The following FAM219A variants were observed in gnomAD, a reference collection of about 807,000 sequenced individuals.
FAM219A encodes family with sequence similarity 219 member A, also known as protein FAM219A.
FAM219A carries 7 observed loss-of-function variants against 23.4 expected under a neutral mutation model. The ratio of observed to expected loss-of-function variants is 0.30; its 90% CI spans 0.17 to 0.56. The LOEUF (loss-of-function observed/expected upper bound fraction) is 0.56. FAM219A is among the 20% of genes least tolerant of loss of function. The probability of loss-of-function intolerance (pLI) is 0.92; values close to 1 mark genes in which losing one functional copy is unlikely to be tolerated. For missense variants in FAM219A, 166 were observed against 246.9 expected (o/e 0.67, Z 2.20); for synonymous variants, 93 against 99.0 (o/e 0.94, Z 0.36).
At chr9:34,418,216 G>A (rs1197362077) in intron 1 of FAM219A, among the ~76,000 whole-genome samples, 6 of 151,466 alleles carry the variant, frequency 4.0e-5, no homozygotes, top group East Asian at 1.9e-4. Context: ...AAAAAAAAAA[G>A]GATTTGTTTT....
chr9:34,428,716 C>T (rs750354823), intron 1 of FAM219A, among the ~76,000 whole-genome samples: 1 of 152,232 alleles, frequency 6.6e-6, no homozygotes, highest in Non-Finnish European at 1.5e-5. Context: ...AGACTGAGAG[C>T]GAGCTCTGGC....
At chr9:34,418,245 G>A (rs1276505014) in intron 1 of FAM219A, among the ~76,000 whole-genome samples, 1 of 152,040 alleles carries the variant, frequency 6.6e-6, no homozygotes, top group Non-Finnish European at 1.5e-5. Flanking sequence ...AGAGACAGGG[G>A]GCCAAAGAAT....
intron 2 of FAM219A, among the ~76,000 whole-genome samples, chr9:34,403,457 T>C (rs896340074): frequency 6.6e-6 from 1 of 152,166 alleles, no homozygotes; most frequent in African/African-American, 2.4e-5. Context: ...CTGAAGGTTA[T>C]GGTGTGGGAG....
chr9:34,411,423 C>T (rs1821815408), intron 1 of FAM219A, among the ~76,000 whole-genome samples: 1 of 151,298 alleles, frequency 6.6e-6, no homozygotes, highest in African/African-American at 2.4e-5. Flanking sequence ...GGCACGGTGG[C>T]TCACGCCTGT....
At chr9:34,442,611 G>A (rs1251747677) in intron 1 of FAM219A, among the ~76,000 whole-genome samples, 3 of 151,894 alleles carry the variant, frequency 2.0e-5, no homozygotes, top group Non-Finnish European at 4.4e-5. Flanking sequence ...CTTGAACCTG[G>A]GAGGCAAAGG....
chr9:34,424,990 G>T (rs1234895731), intron 1 of FAM219A, among the ~76,000 whole-genome samples: 1 of 152,012 alleles, frequency 6.6e-6, no homozygotes, highest in African/African-American at 2.4e-5. Flanking sequence ...AGTTTTGGTA[G>T]AGATGGGGTT....
At chr9:34,416,184 A>AAAGG (rs1821995107) in intron 1 of FAM219A, among the ~76,000 whole-genome samples, 1 of 5,200 alleles carries the variant, frequency 1.9e-4, no homozygotes, top group Non-Finnish European at 4.6e-4. Context: ...AAGAAAGAGA[A>AAAGG]AAGAAAGAAA....
chr9:34,415,827 T>C (rs950579971), intron 1 of FAM219A, among the ~76,000 whole-genome samples: 6 of 152,070 alleles, frequency 3.9e-5, no homozygotes, highest in African/African-American at 9.7e-5. Context: ...GAGAGAGCCA[T>C]TGGGGAGGGA....
At chr9:34,430,846 T>TAACAAC (rs56402341) in intron 1 of FAM219A, among the ~76,000 whole-genome samples, 14 of 150,260 alleles carry the variant, frequency 9.3e-5, no homozygotes, top group Non-Finnish European at 1.9e-4. Flanking sequence ...TGTCTCCAAA[T>TAACAAC]AACAACAACA....
At position 34,402,373 on chromosome 9, in the gene FAM219A, G is replaced by A; in HGVS notation, c.344+14C>T. The A allele has an allele frequency of 6.2e-7, 1 of 1,614,156 alleles. No individual in the cohort carries two copies. Among genetic ancestry groups the A allele is most frequent in the Middle Eastern group, 1.7e-4 (1 of 6,060 alleles). ...CTTTGGGCTGCCCAGCTACCCCCAA[G>A]CCCCCATACACACCTGTCCGTGTCA... On this transcript the variant is annotated intron_variant, in intron 4 of 5. Coordinates refer to ENST00000651358, the MANE Select transcript of FAM219A (RefSeq NM_001184940.2).
At chr9:34,421,045 A>AGAGAG (rs68047702) in intron 1 of FAM219A, among the ~76,000 whole-genome samples, 27 of 117,250 alleles carry the variant, frequency 2.3e-4, no homozygotes, top group East Asian at 7.1e-4. Flanking sequence ...AGAGAGAGAG[A>AGAGAG]ATGGCTCTGC....
intron 5 of FAM219A, among the ~76,000 whole-genome samples, 194 bp from the exon 6 acceptor site, chr9:34,401,316 C>G (rs1821421784): frequency 6.6e-6 from 1 of 152,210 alleles, no homozygotes; most frequent in Non-Finnish European, 1.5e-5. Flanking sequence ...GCCTCTCTTT[C>G]TAGTCACCCC....
At chr9:34,403,200 T>C (rs773998050) in intron 2 of FAM219A, among the ~76,000 whole-genome samples, 7 of 152,142 alleles carry the variant, frequency 4.6e-5, no homozygotes, top group Non-Finnish European at 7.4e-5. Flanking sequence ...AGGGATAGTG[T>C]GTGCAAAAAT....
intron 1 of FAM219A, among the ~76,000 whole-genome samples, chr9:34,418,624 T>C (rs957072203): frequency 6.6e-6 from 1 of 152,224 alleles, no homozygotes; most frequent in African/African-American, 2.4e-5. Flanking sequence ...GTTTAAGACA[T>C]TGGTCTTGGC....
chr9:34,439,968 C>T (rs1214189112), intron 1 of FAM219A, among the ~76,000 whole-genome samples: 1 of 152,186 alleles, frequency 6.6e-6, no homozygotes, highest in Non-Finnish European at 1.5e-5. Flanking sequence ...CACACAGTCC[C>T]TTCTGTGACC....
chr9:34,433,023 C>T (rs141715039), intron 1 of FAM219A, among the ~76,000 whole-genome samples: 46 of 152,166 alleles, frequency 3.0e-4, no homozygotes, highest in African/African-American at 8.4e-4. Context: ...TTTGCATTTA[C>T]GGAAGAGTTA....
intron 1 of FAM219A, among the ~76,000 whole-genome samples, chr9:34,423,672 A>G (rs1340736321): frequency 6.6e-6 from 1 of 152,184 alleles, no homozygotes; most frequent in Non-Finnish European, 1.5e-5. Flanking sequence ...AGGTCCAAGG[A>G]ATAGGCAGGA....
intron 1 of FAM219A, among the ~76,000 whole-genome samples, chr9:34,426,020 G>A (rs1822452319): frequency 1.3e-5 from 2 of 152,140 alleles, no homozygotes; most frequent in South Asian, 4.1e-4. Context: ...CCTATCAGGG[G>A]AGCAATAGTT....
chr9:34,402,245 T>A (rs553731720), intron 4 of FAM219A, 142 bp downstream of exon 4: 1 of 1,610,706 alleles, frequency 6.2e-7, no homozygotes, highest in Non-Finnish European at 8.5e-7. Context: ...AAAATTCCCA[T>A]CCCTGGAGAA....
Sources: gnomAD v4.1 joint callset for allele counts (sites outside exome capture counted in the v4.1 genomes callset) on GRCh38, gnomAD v4.1.1 for gene constraint, MANE v1.5 for transcripts, NCBI Gene and HGNC (gene_info 2026-07-23, HGNC 2026-07-21) for gene names.